The following CNBD1 variants were observed in gnomAD, a reference collection of about 807,000 sequenced individuals.
The protein encoded by CNBD1 is cyclic nucleotide-binding domain-containing protein 1.
A neutral mutation model predicts 54.4 loss-of-function variants in CNBD1; 71 were observed. The observed-to-expected ratio is 1.30, with a 90% CI of 1.08 to 1.59. The LOEUF (loss-of-function observed/expected upper bound fraction) is 1.59, where lower values mean the gene tolerates loss of function less well. CNBD1 is among the 40% of genes most tolerant of loss of function. The probability of loss-of-function intolerance (pLI) is 0.00; values close to 1 mark genes in which losing one functional copy is unlikely to be tolerated. For synonymous variants in CNBD1, 182 were observed against 170.7 expected, an observed-to-expected ratio of 1.07 and a Z score of -0.51; for missense variants, 659 against 518.0, an observed-to-expected ratio of 1.27 and a Z score of -2.64.
intron 4 of CNBD1, among the ~76,000 whole-genome samples, chr8:87,155,282 G>T (rs1485802821): frequency 6.6e-6 from 1 of 152,124 alleles, no homozygotes; most frequent in Non-Finnish European, 1.5e-5. Flanking sequence ...TGAGGATTTT[G>T]TCTTTATCCT....
chr8:87,088,517 T>C (rs58796477), intron 4 of CNBD1, among the ~76,000 whole-genome samples: 9,005 of 152,240 alleles, frequency 0.059, 375 homozygotes, highest in African/African-American at 0.11. Context: ...TTTTAAAATA[T>C]CATGCCAAGT....
chr8:87,058,725 C>T (rs1021799787), intron 4 of CNBD1, among the ~76,000 whole-genome samples: 1 of 152,158 alleles, frequency 6.6e-6, no homozygotes, highest in Non-Finnish European at 1.5e-5. Context: ...AGTAGGAAGG[C>T]CCTGGACCCA....
intron 10 of CNBD1, among the ~76,000 whole-genome samples, chr8:87,369,492 G>T (rs1174381171): frequency 6.6e-6 from 1 of 151,952 alleles, no homozygotes; most frequent in Non-Finnish European, 1.5e-5. Flanking sequence ...CAGCAAATCT[G>T]CAGGTGACAA....
At chr8:87,227,847 G>T (rs1328473563) in intron 5 of CNBD1, among the ~76,000 whole-genome samples, 1 of 147,496 alleles carries the variant, frequency 6.8e-6, no homozygotes, top group Non-Finnish European at 1.5e-5. Flanking sequence ...TTCTAACTTG[G>T]TTCCATTCTC....
intron 10 of CNBD1, among the ~76,000 whole-genome samples, chr8:87,371,722 A>T (rs1006473956): frequency 5.9e-5 from 9 of 152,120 alleles, no homozygotes; most frequent in African/African-American, 2.2e-4. Context: ...TATAAACAGA[A>T]CCAAAGACAA....
chr8:86,968,323 G>A (rs1174390515), intron 4 of CNBD1, among the ~76,000 whole-genome samples: 1 of 151,940 alleles, frequency 6.6e-6, no homozygotes. Context: ...AGGTTCTGGG[G>A]GTAAAATTCA....
chr8:87,422,686 A>G (rs1807962245), intron 2 of CNBD1, among the ~76,000 whole-genome samples: 2 of 152,062 alleles, frequency 1.3e-5, no homozygotes, highest in South Asian at 4.1e-4. Flanking sequence ...GCCTTGTAGT[A>G]TAGTTTGAAG....
chr8:87,362,333 A>G (rs1810538525), intron 10 of CNBD1, among the ~76,000 whole-genome samples: 1 of 152,204 alleles, frequency 6.6e-6, no homozygotes, highest in South Asian at 2.1e-4. Context: ...TTCAGTGATA[A>G]CTGAGGTTTT....
intron 8 of CNBD1, among the ~76,000 whole-genome samples, chr8:87,333,154 C>G (rs915916930): frequency 1.3e-5 from 2 of 152,064 alleles, no homozygotes; most frequent in Non-Finnish European, 2.9e-5. Context: ...GGAGTTCATT[C>G]ATGATTTTGC....
intron 2 of CNBD1, among the ~76,000 whole-genome samples, chr8:87,393,776 T>C (rs79733369): frequency 0.012 from 1,824 of 151,962 alleles, 38 homozygotes; most frequent in African/African-American, 0.039. Flanking sequence ...AGAATGTTTA[T>C]GAAATGAGAC....
At chr8:87,402,434 T>A (rs1586080736) in intron 2 of CNBD1, among the ~76,000 whole-genome samples, 1 of 152,086 alleles carries the variant, frequency 6.6e-6, no homozygotes, top group African/African-American at 2.4e-5. Context: ...TGTACATCAA[T>A]TAATTTCCAT....
chr8:87,196,188 CCATGTAAAT>C (rs1813719458), intron 4 of CNBD1, among the ~76,000 whole-genome samples: 1 of 152,056 alleles, frequency 6.6e-6, no homozygotes, highest in African/African-American at 2.4e-5. Context: ...TTAAGAAAGG[CCATGTAAAT>C]CAGCTAGGAG....
At chr8:86,932,151 G>T (rs967514896) in intron 3 of CNBD1, among the ~76,000 whole-genome samples, 1 of 152,170 alleles carries the variant, frequency 6.6e-6, no homozygotes, top group Admixed American at 6.5e-5. Flanking sequence ...AAAGGCCAGG[G>T]TTTGATCTAA....
At position 87,206,046 on chromosome 8, in the gene CNBD1, C is replaced by T. The variant is rs1398039492; in HGVS notation, c.485C>T (p.Thr162Ile). 3 of 1,597,408 alleles carry T rather than the reference C, an allele frequency of 1.9e-6. No homozygotes were observed. The highest frequency in any genetic ancestry group is 1.7e-6 in the Non-Finnish European group (2 of 1,172,502). ...EHKTVWKFLK[T>I]IPDLTFQLND... Reference sequence around the variant, plus strand: ...AAAACTGTGTGGAAGTTCCTGAAAACAATTCCAGATTTAACCTTTCAGCTA... The same window carrying T: ...AAAACTGTGTGGAAGTTCCTGAAAATAATTCCAGATTTAACCTTTCAGCTA... The change falls in exon 5 of 11, where the codon ACA becomes ATA. Residue 162 changes from threonine (T) to isoleucine (I), a missense_variant. By Grantham distance (89) the Thr-to-Ile change is moderately conservative. Coordinates refer to ENST00000518476, the MANE Select transcript of CNBD1 (RefSeq NM_173538.3).
intron 10 of CNBD1, among the ~76,000 whole-genome samples, chr8:87,369,557 A>G (rs961544682): frequency 2.6e-5 from 4 of 151,820 alleles, no homozygotes; most frequent in Non-Finnish European, 5.9e-5. Context: ...TCATGTTTGA[A>G]GATTAGTTTT....
intron 3 of CNBD1, among the ~76,000 whole-genome samples, chr8:86,910,916 T>C (rs996075068): frequency 6.6e-6 from 1 of 152,196 alleles, no homozygotes; most frequent in South Asian, 2.1e-4. Flanking sequence ...GAGGTGGTGT[T>C]TGATTTACAC....
At chr8:87,120,585 C>A (rs1256258955) in intron 4 of CNBD1, among the ~76,000 whole-genome samples, 2 of 151,626 alleles carry the variant, frequency 1.3e-5, no homozygotes, top group Non-Finnish European at 2.9e-5. Flanking sequence ...TTATTTCTTT[C>A]CTTCTGCTAA....
intron 8 of CNBD1, among the ~76,000 whole-genome samples, chr8:87,321,644 CT>C: frequency 6.6e-6 from 1 of 152,048 alleles, no homozygotes; most frequent in Admixed American, 6.6e-5. Context: ...CATAGGCTGC[CT>C]TTTTCTCTAT....
At chr8:87,261,924 T>C (rs147938972) in intron 6 of CNBD1, among the ~76,000 whole-genome samples, 84 of 151,952 alleles carry the variant, frequency 5.5e-4, no homozygotes, top group African/African-American at 2.0e-3. Flanking sequence ...GGCAGGGAGA[T>C]TGCTTGAGCT....
Sources: allele counts gnomAD v4.1 joint callset (sites outside exome capture counted in the v4.1 genomes callset), GRCh38; gene constraint gnomAD v4.1.1; transcripts MANE v1.5; gene names NCBI Gene and HGNC (gene_info 2026-07-23, HGNC 2026-07-21).